The following FMR1 variants were observed in gnomAD, a reference collection of about 807,000 sequenced individuals.
FMR1 encodes FMRP translational regulator 1.
In FMR1, 13 loss-of-function variants were observed where a neutral mutation model predicts 50.6. That is an observed-to-expected ratio of 0.26 (90% CI 0.17 to 0.41). FMR1 has a LOEUF of 0.41. Ranked by LOEUF, FMR1 falls within the 10% of genes least tolerant of loss-of-function variation. FMR1 has a pLI of 1.00. For missense variants in FMR1, 316 were observed against 491.3 expected (o/e 0.64, Z 3.37); for synonymous variants, 138 against 164.1 (o/e 0.84, Z 1.22).
chrX:147,949,313 A>G lies in FMR1; in HGVS notation c.*469A>G. 3.0e-6 allele frequency: 1 copy of G among 329,422 alleles called. No homozygotes were observed. The highest frequency in any genetic ancestry group is 9.6e-4 in the Middle Eastern group (1 of 1,038). 27.1% of individuals were successfully genotyped at this position (329,422 alleles called of 1,213,427 possible). ...AGTTTATGTTTTGGTCCACTTTTCC[A>G]GTATTTTAGTGGACCCTGAAATGTG... On this transcript the variant is annotated 3_prime_UTR_variant, in exon 17 of 17. Transcript: ENST00000370475.
chrX:147,913,852 C>G (rs2042718113), intron 1 of FMR1: 1 of 111,767 alleles, frequency 8.9e-6, no homozygotes, highest in African/African-American at 3.3e-5. Context: ...GTTTTGGTCA[C>G]TAGATTTCTG....
chrX:147,925,897 CCTT>C (rs1439323144), intron 3 of FMR1, among the ~76,000 whole-genome samples: 1 of 111,631 alleles, frequency 9.0e-6, no homozygotes, highest in African/African-American at 3.3e-5. Flanking sequence ...ATTCTTTTCT[CCTT>C]CTCTCAATTT....
intron 12 of FMR1, 89 bp downstream of exon 12, chrX:147,938,250 G>A (rs1557180055): frequency 1.5e-5 from 12 of 788,881 alleles, no homozygotes; most frequent in Non-Finnish European, 2.3e-5. Flanking sequence ...TGATCCTCAG[G>A]ATTAGGGACT....
chrX:147,929,122 T>C (rs1834840908), intron 5 of FMR1, among the ~76,000 whole-genome samples: 1 of 112,155 alleles, frequency 8.9e-6, no homozygotes, highest in African/African-American at 3.2e-5. Context: ...ACAAATGTGA[T>C]AATTCTGTCA....
chrX:147,928,633 A>C, intron 4 of FMR1, 26 bp from the exon 5 acceptor site: 6 of 1,165,054 alleles, frequency 5.1e-6, no homozygotes, highest in Non-Finnish European at 7.0e-6. Context: ...AATTGTGATT[A>C]GAAGTGACTT....
intron 1 of FMR1, among the ~76,000 whole-genome samples, chrX:147,917,725 G>T (rs1236558799): frequency 9.0e-6 from 1 of 111,320 alleles, no homozygotes; most frequent in Non-Finnish European, 1.9e-5. Context: ...CATTTATTTA[G>T]TGCCACCTAT....
intron 9 of FMR1, among the ~76,000 whole-genome samples, chrX:147,934,347 T>C (rs1249497868): frequency 9.0e-6 from 1 of 111,006 alleles, no homozygotes; most frequent in African/African-American, 3.3e-5. Context: ...TATTCTTTGG[T>C]GGCAATGTGA....
At chrX:147,935,496 G>GA in intron 9 of FMR1, among the ~76,000 whole-genome samples, 1 of 112,516 alleles carries the variant, frequency 8.9e-6, no homozygotes, top group Non-Finnish European at 1.9e-5. Flanking sequence ...ATGAGATGGT[G>GA]AGGGCAAGCA....
At chrX:147,944,326 G>A (rs1431787156) in intron 14 of FMR1, 3 of 751,469 alleles carry the variant, frequency 4.0e-6, no homozygotes, top group Admixed American at 8.8e-5. Context: ...CAAACATCAG[G>A]CAAGCATGTA....
Position 147,949,348 on chromosome X carries a change from A to G in FMR1, c.*504A>G, listed in dbSNP as rs2044268908. ...TGGACCCTGAAATGTGTGTGATGTG[A>G]CATTTGTCATTTTCATTAGCAAAAA... On this transcript the variant is annotated 3_prime_UTR_variant, in exon 17 of 17. Transcript: ENST00000370475. 3.1e-6 allele frequency: 1 copy of G among 327,009 alleles called. No individual in the cohort carries two copies. Among genetic ancestry groups the G allele is most frequent in the South Asian group, 2.6e-5 (1 of 38,243 alleles). 26.9% of individuals were successfully genotyped at this position (327,009 alleles called of 1,213,427 possible).
intron 1 of FMR1, among the ~76,000 whole-genome samples, chrX:147,920,499 A>T (rs1348165101): frequency 9.0e-6 from 1 of 111,058 alleles, no homozygotes; most frequent in East Asian, 2.8e-4. Context: ...TTGTCTTATC[A>T]ACCTACCACC....
chrX:147,931,085 T>C (rs29282), intron 7 of FMR1: 9,158 of 111,445 alleles, frequency 0.082, 318 homozygotes, highest in African/African-American at 0.1. Context: ...CTTTGTTTTT[T>C]CTTAAGGCCA....
chrX:147,933,242 A>T (rs1375264855), intron 9 of FMR1, among the ~76,000 whole-genome samples: 1 of 111,076 alleles, frequency 9.0e-6, no homozygotes, highest in Non-Finnish European at 1.9e-5. Flanking sequence ...TGAAAGGATA[A>T]ATCTTGCCCA....
intron 12 of FMR1, among the ~76,000 whole-genome samples, 193 bp downstream of exon 12, chrX:147,938,354 T>C (rs1346746974): frequency 8.9e-6 from 1 of 111,840 alleles, no homozygotes; most frequent in East Asian, 2.8e-4. Context: ...CCTAATTACT[T>C]GTCTAGTTAT....
In FMR1 at chrX:147,912,069, CGGCGGCGGCGGA is replaced by C. The variant is rs1419747486; in HGVS notation, c.-99_-88del. On this transcript the variant is annotated 5_prime_UTR_variant, in exon 1 of 17. Coordinates refer to ENST00000370475, the MANE Select transcript of FMR1 (RefSeq NM_002024.6). Reference sequence around the variant, plus strand: ...GGCAGCGCGGCGGCGGCGGCGGCGGCGGCGGCGGCGGAGGCGGCGGCGGCGGCGGCGGCGGCG... The same window carrying C: ...GGCAGCGCGGCGGCGGCGGCGGCGGCGGCGGCGGCGGCGGCGGCGGCGGCG... The C allele has an allele frequency of 1.4e-3, 369 of 262,912 alleles. 20 individuals are homozygous for C. The highest frequency in any genetic ancestry group is 1.7e-3 in the Non-Finnish European group (326 of 196,097). 21.7% of individuals were successfully genotyped at this position (262,912 alleles called of 1,213,427 possible). A position where few individuals can be genotyped will look rare whatever the true frequency, so the allele number is the denominator to read the frequency against.
intron 1 of FMR1, chrX:147,914,418 G>C (rs1557174671): frequency 8.9e-6 from 1 of 112,303 alleles, no homozygotes; most frequent in Non-Finnish European, 1.9e-5. Context: ...GGATGGACAG[G>C]AAAGATGTGA....
In FMR1 at chrX:147,936,491, A is replaced by G. The variant is rs782684689; in HGVS notation, c.881-13A>G. 1 of 1,111,173 alleles carries G rather than the reference A, an allele frequency of 9.0e-7. No homozygotes were observed. The highest frequency in any genetic ancestry group is 1.8e-5 in the South Asian group (1 of 54,817). The allele number at this position is 1,111,173 out of a possible 1,213,427, so 91.6% of individuals were successfully genotyped here. A position where few individuals can be genotyped will look rare whatever the true frequency, so the allele number is the denominator to read the frequency against. Reference sequence around the variant, plus strand: ...GTGTTTTTAAAACCAAACTTGATTTATTTATTTCTTAGGCAAAGTAATAGG... The same window carrying G: ...GTGTTTTTAAAACCAAACTTGATTTGTTTATTTCTTAGGCAAAGTAATAGG... On this transcript the variant is annotated splice_polypyrimidine_tract_variant and intron_variant, in intron 9 of 16. Transcript: ENST00000370475.
chrX:147,932,842 A>AT (rs1442648877), intron 9 of FMR1, 79 bp downstream of exon 9: 6 of 648,881 alleles, frequency 9.2e-6, no homozygotes, highest in African/African-American at 2.2e-5. Context: ...ATAGAATTCC[A>AT]TTTTTTCTTA....
intron 14 of FMR1, chrX:147,944,427 A>G: frequency 6.6e-6 from 5 of 753,568 alleles, no homozygotes; most frequent in Non-Finnish European, 7.8e-6. Flanking sequence ...CCTCTCAGAA[A>G]TGACCAAAAT....
Sources: gnomAD v4.1 joint callset for allele counts (sites outside exome capture counted in the v4.1 genomes callset) on GRCh38, gnomAD v4.1.1 for gene constraint, MANE v1.5 for transcripts, NCBI Gene and HGNC (gene_info 2026-07-23, HGNC 2026-07-21) for gene names.